Variants in CDH18 observed in about 807,000 individuals in gnomAD.
CDH18 encodes the protein cadherin 18, also known as cadherin-18.
CDH18 carries 31 observed loss-of-function variants against 67.9 expected under a neutral mutation model. The ratio of observed to expected loss-of-function variants is 0.46; its 90% CI spans 0.34 to 0.62. The LOEUF is 0.62. CDH18 is among the 20% of genes least tolerant of loss of function. CDH18 has a pLI of 0.01. For missense variants in CDH18, 890 were observed against 975.5 expected (o/e 0.91, Z 1.17); for synonymous variants, 362 against 347.2 (o/e 1.04, Z -0.48).
At chr5:20,174,271 A>G (rs1037763399) in intron 2 of CDH18, among the ~76,000 whole-genome samples, 1 of 152,304 alleles carries the variant, frequency 6.6e-6, no homozygotes, top group East Asian at 1.9e-4. Flanking sequence ...TTAAATAAGG[A>G]TCTGTAGATG....
Position 19,902,517 on chromosome 5 carries a change from AC to A in CDH18, c.-256-63276del, listed in dbSNP as rs1790048591. ...TGAGTTAACAGAAGCCTGTACACAAACCGTGTGAGTGTACTTGGAAGTGGAT... is the reference window on the plus strand; with the variant it reads ...TGAGTTAACAGAAGCCTGTACACAAACGTGTGAGTGTACTTGGAAGTGGAT... On this transcript the variant is annotated intron_variant, in intron 2 of 12. Coordinates refer to ENST00000382275, the MANE Select transcript of CDH18 (RefSeq NM_004934.5). 2.0e-5 allele frequency among the ~76,000 whole-genome samples: 3 copies of A among 152,080 alleles called. No individual in the cohort carries two copies. In the South Asian group the frequency reaches 6.2e-4, roughly 31 times the overall value.
chr5:20,463,272 G>A (rs1751398468), intron 1 of CDH18, among the ~76,000 whole-genome samples: 1 of 147,926 alleles, frequency 6.8e-6, no homozygotes, highest in South Asian at 2.1e-4. Context: ...AGAATTCTTT[G>A]TAGAGTTAAG....
intron 2 of CDH18, among the ~76,000 whole-genome samples, chr5:19,974,481 T>C (rs375266378): frequency 5.0e-4 from 71 of 142,486 alleles, no homozygotes; most frequent in African/African-American, 1.9e-3. Context: ...ATCACACCAT[T>C]GCACTCCAGC....
At chr5:20,528,435 A>C (rs1304190853) in intron 1 of CDH18, among the ~76,000 whole-genome samples, 1 of 152,074 alleles carries the variant, frequency 6.6e-6, no homozygotes, top group African/African-American at 2.4e-5. Flanking sequence ...TCCACCCAAA[A>C]ACAACAGAAT....
chr5:20,392,690 C>T (rs184855360), intron 1 of CDH18, among the ~76,000 whole-genome samples: 33 of 151,962 alleles, frequency 2.2e-4, no homozygotes, highest in African/African-American at 7.7e-4. Flanking sequence ...GTGCTTTCAA[C>T]TACTACCTAT....
At chr5:19,492,169 T>C (rs1171880428) in intron 11 of CDH18, among the ~76,000 whole-genome samples, 1 of 152,170 alleles carries the variant, frequency 6.6e-6, no homozygotes, top group East Asian at 1.9e-4. Context: ...AATAATCTTT[T>C]GCCCTAATAA....
intron 2 of CDH18, among the ~76,000 whole-genome samples, chr5:20,093,536 CA>C (rs971406964): frequency 3.9e-4 from 60 of 152,046 alleles, no homozygotes; most frequent in African/African-American, 1.3e-3. Flanking sequence ...ATTTTCTACT[CA>C]AATGCTAAGA....
intron 1 of CDH18, among the ~76,000 whole-genome samples, chr5:20,422,213 C>G (rs1747922580): frequency 6.6e-6 from 1 of 150,518 alleles, no homozygotes; most frequent in Admixed American, 6.6e-5. Flanking sequence ...AGCCTTTTAA[C>G]TTTTTTGTAA....
intron 5 of CDH18, among the ~76,000 whole-genome samples, chr5:19,641,943 AAAC>A (rs896069631): frequency 5.3e-5 from 8 of 151,934 alleles, no homozygotes; most frequent in Non-Finnish European, 4.4e-5. Flanking sequence ...TAGAGGTACT[AAAC>A]AACAACAACA....
chr5:20,563,621 G>A (rs772700852), intron 1 of CDH18, among the ~76,000 whole-genome samples: 6 of 151,956 alleles, frequency 3.9e-5, no homozygotes, highest in South Asian at 2.1e-4. Flanking sequence ...ATATGTATAC[G>A]TTTTAAATTG....
chr5:20,408,608 A>C (rs920244194), intron 1 of CDH18, among the ~76,000 whole-genome samples: 5 of 151,880 alleles, frequency 3.3e-5, no homozygotes, highest in Admixed American at 6.6e-5. Context: ...AAGAGAAAGA[A>C]ATGAAAGCAT....
intron 2 of CDH18, among the ~76,000 whole-genome samples, chr5:20,132,509 C>T (rs988750460): frequency 1.3e-5 from 2 of 151,886 alleles, no homozygotes; most frequent in Non-Finnish European, 2.9e-5. Flanking sequence ...TTTTTGTTGC[C>T]TAATGCCCAT....
chr5:20,421,896 C>A (rs921319045), intron 1 of CDH18, among the ~76,000 whole-genome samples: 1 of 150,568 alleles, frequency 6.6e-6, no homozygotes, highest in Admixed American at 6.6e-5. Flanking sequence ...CATTAGTACA[C>A]ATTGTACTAA....
chr5:19,636,627 A>G (rs1190965000), intron 5 of CDH18, among the ~76,000 whole-genome samples: 1 of 151,840 alleles, frequency 6.6e-6, no homozygotes, highest in Admixed American at 6.6e-5. Flanking sequence ...AATCCAAAGT[A>G]TTTTCATTTA....
intron 1 of CDH18, among the ~76,000 whole-genome samples, chr5:20,546,146 T>G (rs1409131790): frequency 1.3e-5 from 2 of 152,116 alleles, no homozygotes; most frequent in Admixed American, 1.3e-4. Flanking sequence ...AAGGTCCTAA[T>G]CTCCATCTGA....
Position 19,471,680 on chromosome 5 carries a change from T to C in CDH18, c.*1546A>G, listed in dbSNP as rs1025873746. On this transcript the variant is annotated 3_prime_UTR_variant, in exon 13 of 13. Coordinates refer to ENST00000382275, the MANE Select transcript of CDH18 (RefSeq NM_004934.5). ...ACAACAAAACATTATCTAAAACAAT[T>C]TGAAAAAAAAAGCCCCACCCAAATT... 4.0e-5 allele frequency among the ~76,000 whole-genome samples: 6 copies of C among 151,200 alleles called. No homozygotes were observed. The highest frequency in any genetic ancestry group is 1.5e-4 in the African/African-American group (6 of 40,686).
intron 1 of CDH18, among the ~76,000 whole-genome samples, chr5:20,497,134 G>T (rs564484679): frequency 1.4e-4 from 21 of 152,120 alleles, no homozygotes; most frequent in Admixed American, 2.0e-4. Context: ...TGTCATAAAG[G>T]CCAATGAAGC....
At chr5:20,317,160 T>G (rs1183439695) in intron 1 of CDH18, among the ~76,000 whole-genome samples, 2 of 152,084 alleles carry the variant, frequency 1.3e-5, no homozygotes, top group African/African-American at 4.8e-5. Context: ...TTTTATCTTT[T>G]TTTTGAGAAG....
At chr5:19,524,936 G>A (rs890412128) in intron 9 of CDH18, among the ~76,000 whole-genome samples, 5 of 152,000 alleles carry the variant, frequency 3.3e-5, no homozygotes, top group Non-Finnish European at 7.4e-5. Context: ...TAGTAGAGAC[G>A]GGGTTTCACC....
Sources: allele counts gnomAD v4.1 joint callset (sites outside exome capture counted in the v4.1 genomes callset), GRCh38; gene constraint gnomAD v4.1.1; transcripts MANE v1.5; gene names NCBI Gene and HGNC (gene_info 2026-07-23, HGNC 2026-07-21).